FAXDC2: variants seen among roughly 807,000 people sequenced by gnomAD.
FAXDC2 encodes the protein fatty acid hydroxylase domain-containing protein 2.
A neutral mutation model predicts 40.9 loss-of-function variants in FAXDC2; 41 were observed. The ratio of observed to expected loss-of-function variants is 1.00; its 90% CI spans 0.78 to 1.30. The LOEUF is 1.30. Ranked by LOEUF, FAXDC2 falls within the 50% of genes most tolerant of loss-of-function variation. The pLI is 0.00. For missense variants in FAXDC2, 390 were observed against 408.8 expected (o/e 0.95, Z 0.40); for synonymous variants, 157 against 149.3 (o/e 1.05, Z -0.38).
intron 1 of FAXDC2, among the ~76,000 whole-genome samples, chr5:154,848,654 T>C (rs2113177481): frequency 6.6e-6 from 1 of 152,126 alleles, no homozygotes; most frequent in Non-Finnish European, 1.5e-5. Context: ...GAAGATAGAG[T>C]GGCCGATATT....
intron 2 of FAXDC2, 74 bp from the exon 3 acceptor site, chr5:154,835,008 G>A (rs748556724): frequency 2.0e-5 from 19 of 933,354 alleles, no homozygotes; most frequent in Non-Finnish European, 2.9e-5. Context: ...CTGAGGCACA[G>A]CGGGAGTGCT....
chr5:154,836,678 T>C (rs2113155822), intron 2 of FAXDC2, among the ~76,000 whole-genome samples: 1 of 151,894 alleles, frequency 6.6e-6, no homozygotes, highest in Non-Finnish European at 1.5e-5. Context: ...ATTGAGACAG[T>C]CTTACTGTGT....
intron 2 of FAXDC2, among the ~76,000 whole-genome samples, chr5:154,836,733 C>T (rs1178649840): frequency 2.6e-5 from 4 of 152,072 alleles, no homozygotes; most frequent in African/African-American, 2.4e-5. Context: ...TCACTGCAAT[C>T]TCCACCTTCC....
At chr5:154,848,966 C>CA (rs1313802410) in intron 1 of FAXDC2, among the ~76,000 whole-genome samples, 23 of 144,350 alleles carry the variant, frequency 1.6e-4, no homozygotes, top group Admixed American at 3.5e-4. Context: ...GAGTCTGTCT[C>CA]AAAAAAACAA....
intron 5 of FAXDC2, chr5:154,824,261 C>G: frequency 1.8e-6 from 1 of 560,508 alleles, no homozygotes; most frequent in Non-Finnish European, 3.2e-6. Flanking sequence ...ATATTTCCCC[C>G]AGAATCAGCA....
At chr5:154,837,210 GCA>G (rs996580532) in intron 2 of FAXDC2, among the ~76,000 whole-genome samples, 1 of 152,010 alleles carries the variant, frequency 6.6e-6, no homozygotes, top group Non-Finnish European at 1.5e-5. Flanking sequence ...TCTCTCACGT[GCA>G]CACACTCTCT....
chr5:154,842,239 C>T (rs1175978059), intron 1 of FAXDC2, among the ~76,000 whole-genome samples: 6 of 152,078 alleles, frequency 3.9e-5, no homozygotes, highest in Non-Finnish European at 7.4e-5. Context: ...ACTCTGTCAC[C>T]TAGGCTGGAG....
chr5:154,849,045 C>T (rs1237297341), intron 1 of FAXDC2, among the ~76,000 whole-genome samples: 1 of 151,348 alleles, frequency 6.6e-6, no homozygotes, highest in Non-Finnish European at 1.5e-5. Flanking sequence ...TTTGGGAGGC[C>T]GAGGTGGGTA....
chr5:154,825,231 G>A (rs999246125), intron 5 of FAXDC2, among the ~76,000 whole-genome samples: 1 of 151,772 alleles, frequency 6.6e-6, no homozygotes, highest in African/African-American at 2.4e-5. Flanking sequence ...AGGCGTGGTG[G>A]CATGCACTTG....
chr5:154,823,055 AG>A (rs1247833484), intron 6 of FAXDC2, among the ~76,000 whole-genome samples: 1 of 152,148 alleles, frequency 6.6e-6, no homozygotes, highest in South Asian at 2.1e-4. Context: ...TCTTTCGCCC[AG>A]GCTGGAGTGC....
rs112979021 is a variant in FAXDC2 at position 154,840,835 on chromosome 5, G to A, written c.1-2657C>T. On this transcript the variant is annotated intron_variant, in intron 1 of 8. Transcript: ENST00000326080. ...CAAAGTGCCAGGATTATAGGCATGA[G>A]CCACTGTGCCCAGCCCACATTTTTT... Among the ~76,000 whole-genome samples the A allele has an allele frequency of 1.4e-3, 211 of 152,332 alleles. 1 individual carries two copies. The highest frequency in any genetic ancestry group is 4.9e-3 in the African/African-American group (203 of 41,570).
intron 2 of FAXDC2, 78 bp from the exon 3 acceptor site, chr5:154,835,012 G>T: frequency 2.2e-6 from 2 of 898,910 alleles, no homozygotes; most frequent in Non-Finnish European, 3.6e-6. Context: ...GGCACAGCGG[G>T]AGTGCTGTAG....
chr5:154,849,508 TACTC>T (rs1561663925), intron 1 of FAXDC2, among the ~76,000 whole-genome samples: 1 of 152,102 alleles, frequency 6.6e-6, no homozygotes, highest in Non-Finnish European at 1.5e-5. Context: ...ATGTAGAAGA[TACTC>T]AAGAAAGATT....
At chr5:154,822,859 C>T (rs914656165) in intron 6 of FAXDC2, among the ~76,000 whole-genome samples, 2 of 152,180 alleles carry the variant, frequency 1.3e-5, no homozygotes, top group Admixed American at 6.5e-5. Flanking sequence ...CCCACACAAT[C>T]AGAGAGGCCT....
chr5:154,838,280 GA>G (rs112016466), intron 1 of FAXDC2, 102 bp from the exon 2 acceptor site: 21,563 of 741,098 alleles, frequency 0.029, no homozygotes, highest in East Asian at 0.041. Context: ...AGTGATTTTT[GA>G]AAAAAAAAAA....
rs370570262 is a variant in FAXDC2, at chr5:154,820,360, G to A, written c.958C>T (p.Pro320Ser). 19 of 1,613,422 alleles carry A rather than the reference G, an allele frequency of 1.2e-5. No homozygotes were observed. The African/African-American group carries it at 2.3e-4, about 19-fold the overall frequency. ...ERHVLLLGFT[P>S]LSESIPDSPK... ...GAGTCTGGGATGCTCTCAGAGAGCG[G>A]GGTGAAGCCCAGCAGGAGGACATGT... Residue 320 changes from proline (P) to serine (S), a missense_variant, in exon 9 of 9, where the codon CCG becomes TCG. By Grantham distance (74) the Pro-to-Ser change is moderately conservative. Transcript: ENST00000326080.
chr5:154,834,564 A>T (rs1760270560), intron 4 of FAXDC2, 61 bp downstream of exon 4: 1 of 1,217,306 alleles, frequency 8.2e-7, no homozygotes, highest in Non-Finnish European at 1.2e-6. Context: ...CAAAACAACA[A>T]AAAGAATTAA....
At position 154,834,842 on chromosome 5, in the gene FAXDC2, C is replaced by G. The variant is rs201799523; in HGVS notation, c.140+1G>C. ...ACCCTAGCTGGGTGGAGCCGACTTA[C>G]CATGTCACTGAGTTCCAGAAGGCCA... On this transcript the variant is annotated splice_donor_variant, in intron 3 of 8. Coordinates refer to ENST00000326080, the MANE Select transcript of FAXDC2 (RefSeq NM_032385.5). LOFTEE classifies it high-confidence loss of function. 3.2e-5 allele frequency: 52 copies of G among 1,610,708 alleles called. No homozygotes were observed. Among genetic ancestry groups the G allele is most frequent in the Non-Finnish European group, 4.2e-5 (49 of 1,178,030 alleles).
rs570131065 is a variant in FAXDC2, at chr5:154,848,505, C to G, written c.-1+1978G>C. Among the ~76,000 whole-genome samples, 6 of 152,272 alleles carry G rather than the reference C, an allele frequency of 3.9e-5. No individual in the cohort carries two copies. The East Asian group carries it at 1.2e-3, about 29-fold the overall frequency. ...TCAGCCTCTGCTCTCAGACTGTATG[C>G]TAGGAAAAAGCTGAGCAGTCGACCT... On this transcript the variant is annotated intron_variant, in intron 1 of 8. Coordinates refer to ENST00000326080, the MANE Select transcript of FAXDC2 (RefSeq NM_032385.5).
Sources: gnomAD v4.1 joint callset for allele counts (sites outside exome capture counted in the v4.1 genomes callset) on GRCh38, gnomAD v4.1.1 for gene constraint, MANE v1.5 for transcripts, NCBI Gene and HGNC (gene_info 2026-07-23, HGNC 2026-07-21) for gene names.